PTPRD: variants seen among roughly 807,000 people sequenced by gnomAD.
The protein encoded by PTPRD is protein tyrosine phosphatase receptor type D, also known as receptor-type tyrosine-protein phosphatase delta.
PTPRD carries 34 observed loss-of-function variants against 214.5 expected under a neutral mutation model. The observed-to-expected ratio is 0.16, with a 90% CI of 0.12 to 0.21. The LOEUF (loss-of-function observed/expected upper bound fraction) is 0.21, where lower values mean the gene tolerates loss of function less well. Ranked by LOEUF, PTPRD falls within the 10% of genes least tolerant of loss-of-function variation. PTPRD has a pLI of 1.00. For missense variants in PTPRD, 2,545 were observed against 2,398.7 expected (o/e 1.06, Z -1.27); for synonymous variants, 1,128 against 845.7 (o/e 1.33, Z -5.79).
At chr9:10,093,866 G>T (rs2098456959) in intron 3 of PTPRD, among the ~76,000 whole-genome samples, 1 of 151,384 alleles carries the variant, frequency 6.6e-6, no homozygotes, top group Non-Finnish European at 1.5e-5. Context: ...GTTCTCACTT[G>T]TAAATGGGAG....
intron 39 of PTPRD, among the ~76,000 whole-genome samples, chr9:8,356,722 C>G (rs184701385): frequency 1.3e-4 from 20 of 152,288 alleles, no homozygotes; most frequent in Non-Finnish European, 2.2e-4. Flanking sequence ...TTCTACCAGA[C>G]TCAGCTGCAG....
Position 8,959,486 on chromosome 9 carries a change from G to A in PTPRD, c.-104+59211C>T, listed in dbSNP as rs75481576. The stretch of plus-strand genomic sequence containing the variant: ...CTCAAGTGGAGAGAGAGTGAGAGGA[G>A]GAGAGCAGCGATCAGAAATCAAAAG... On this transcript the variant is annotated intron_variant, in intron 11 of 45. Coordinates refer to ENST00000381196, the MANE Select transcript of PTPRD (RefSeq NM_002839.4). Among the ~76,000 whole-genome samples the A allele has an allele frequency of 3.9e-3, 593 of 151,936 alleles. 5 individuals are homozygous for A. Among genetic ancestry groups the A allele is most frequent in the African/African-American group, 0.014 (563 of 41,466 alleles).
intron 9 of PTPRD, among the ~76,000 whole-genome samples, chr9:9,388,055 G>A (rs776118207): frequency 6.6e-6 from 1 of 152,094 alleles, no homozygotes; most frequent in African/African-American, 2.4e-5. Flanking sequence ...TGGATCACAC[G>A]TGGGCTTGGG....
intron 11 of PTPRD, among the ~76,000 whole-genome samples, chr9:8,754,863 T>C (rs1451965764): frequency 6.6e-6 from 1 of 152,212 alleles, no homozygotes; most frequent in East Asian, 1.9e-4. Context: ...TTGTATTCTC[T>C]ATCCTTTTGG....
At chr9:10,552,231 T>C (rs1774893951) in intron 2 of PTPRD, among the ~76,000 whole-genome samples, 1 of 150,832 alleles carries the variant, frequency 6.6e-6, no homozygotes, top group Non-Finnish European at 1.5e-5. Context: ...CATTCGACAC[T>C]AATAGAACAG....
chr9:8,758,701 TACA>T (rs1181190619), intron 11 of PTPRD, among the ~76,000 whole-genome samples: 15 of 152,200 alleles, frequency 9.9e-5, no homozygotes, highest in African/African-American at 2.2e-4. Context: ...CGCAATATGC[TACA>T]ACAAGACAAA....
At chr9:10,030,173 G>A (rs998128108) in intron 4 of PTPRD, among the ~76,000 whole-genome samples, 1 of 152,146 alleles carries the variant, frequency 6.6e-6, no homozygotes, top group Non-Finnish European at 1.5e-5. Flanking sequence ...TCACAGGTAT[G>A]TCTTTATCAG....
chr9:9,748,207 T>C (rs976423097), intron 6 of PTPRD, among the ~76,000 whole-genome samples: 2 of 152,216 alleles, frequency 1.3e-5, no homozygotes, highest in Admixed American at 1.3e-4. Context: ...AATAATCTTC[T>C]ATGTCTTATT....
intron 9 of PTPRD, among the ~76,000 whole-genome samples, chr9:9,215,867 T>C (rs1014639453): frequency 6.6e-6 from 1 of 152,174 alleles, no homozygotes; most frequent in African/African-American, 2.4e-5. Context: ...TTTACCCTGA[T>C]GGAGTCAACA....
intron 12 of PTPRD, among the ~76,000 whole-genome samples, chr9:8,705,479 AG>A (rs2098186213): frequency 6.6e-6 from 1 of 152,342 alleles, no homozygotes; most frequent in Admixed American, 6.5e-5. Context: ...CCAGAAGTTA[AG>A]GTATCAAGTA....
chr9:10,573,545 G>C (rs1309628558), intron 2 of PTPRD, among the ~76,000 whole-genome samples: 1 of 152,022 alleles, frequency 6.6e-6, no homozygotes, highest in East Asian at 1.9e-4. Context: ...AAGAGACCAG[G>C]GCTCAGGAAG....
rs1376999804 is a variant in PTPRD, at chr9:9,074,426, C to T, written c.-142-55691G>A. On this transcript the variant is annotated intron_variant, in intron 10 of 45. Coordinates refer to ENST00000381196, the MANE Select transcript of PTPRD (RefSeq NM_002839.4). ...AACACTCACTAAAACAGATTTTCAA[C>T]ATTTAGCAGTCAGGGTTGACACTGG... Among the ~76,000 whole-genome samples the T allele has an allele frequency of 3.3e-5, 5 of 152,196 alleles. No homozygotes were observed. In the East Asian group the frequency reaches 9.7e-4, roughly 29 times the overall value.
At chr9:8,365,493 G>C in intron 39 of PTPRD, among the ~76,000 whole-genome samples, 1 of 152,104 alleles carries the variant, frequency 6.6e-6, no homozygotes, top group East Asian at 1.9e-4. Context: ...GGTCAGCTTA[G>C]GGGGCTTGGC....
intron 10 of PTPRD, among the ~76,000 whole-genome samples, chr9:9,172,477 C>T (rs565459879): frequency 6.6e-6 from 1 of 152,166 alleles, no homozygotes; most frequent in East Asian, 1.9e-4. Context: ...AGAAGTGATC[C>T]CTTGCCCGTT....
intron 2 of PTPRD, among the ~76,000 whole-genome samples, chr9:10,366,153 C>T (rs144412163): frequency 4.1e-4 from 63 of 152,238 alleles, no homozygotes; most frequent in African/African-American, 1.5e-3. Context: ...TTGAAACATG[C>T]TGTAGTGCTG....
At chr9:9,609,907 T>A (rs181047749) in intron 7 of PTPRD, among the ~76,000 whole-genome samples, 1 of 152,266 alleles carries the variant, frequency 6.6e-6, no homozygotes, top group African/African-American at 2.4e-5. Context: ...TATAAAAAAA[T>A]AAGAACATTT....
At chr9:10,183,607 C>A (rs2099313374) in intron 3 of PTPRD, among the ~76,000 whole-genome samples, 1 of 151,578 alleles carries the variant, frequency 6.6e-6, no homozygotes, top group Non-Finnish European at 1.5e-5. Flanking sequence ...TTTTTTTTCA[C>A]CTTTTCTCAA....
At chr9:9,812,777 A>C (rs2047547534) in intron 5 of PTPRD, among the ~76,000 whole-genome samples, 1 of 152,164 alleles carries the variant, frequency 6.6e-6, no homozygotes. Flanking sequence ...CACTATATCA[A>C]ATGGACCTTG....
intron 9 of PTPRD, among the ~76,000 whole-genome samples, chr9:9,248,970 G>C (rs4262368): frequency 0.98 from 149,003 of 152,084 alleles, 73,065 homozygotes; most frequent in Middle Eastern, 1. Flanking sequence ...TCTTGCTTTT[G>C]AACGGGAGTC....
Sources: allele counts gnomAD v4.1 joint callset (sites outside exome capture counted in the v4.1 genomes callset), GRCh38; gene constraint gnomAD v4.1.1; transcripts MANE v1.5; gene names NCBI Gene and HGNC (gene_info 2026-07-23, HGNC 2026-07-21).